AKT3: variants seen among roughly 807,000 people sequenced by gnomAD.
AKT3 encodes the protein RAC-gamma serine/threonine-protein kinase.
A neutral mutation model predicts 65.3 loss-of-function variants in AKT3; 15 were observed. That is an observed-to-expected ratio of 0.23 (90% CI 0.15 to 0.35). AKT3 has a LOEUF of 0.35. Ranked by LOEUF, AKT3 falls within the 10% of genes least tolerant of loss-of-function variation. AKT3 has a pLI of 1.00. For synonymous variants in AKT3, 206 were observed against 183.8 expected (o/e 1.12, Z -0.98); for missense variants, 243 against 576.5 (o/e 0.42, Z 5.92).
At chr1:243,598,687 C>T (rs1392964228) in intron 8 of AKT3, among the ~76,000 whole-genome samples, 1 of 152,194 alleles carries the variant, frequency 6.6e-6, no homozygotes, top group Non-Finnish European at 1.5e-5. Context: ...CAGGAAGTTC[C>T]TTCCCACATA....
intron 6 of AKT3, among the ~76,000 whole-genome samples, chr1:243,628,198 T>C (rs1389617354): frequency 1.3e-5 from 2 of 152,200 alleles, no homozygotes; most frequent in African/African-American, 2.4e-5. Flanking sequence ...TCTTGGGTAA[T>C]GTCAGAGAAA....
intron 6 of AKT3, among the ~76,000 whole-genome samples, chr1:243,629,958 C>G (rs1679481769): frequency 6.6e-6 from 1 of 152,046 alleles, no homozygotes; most frequent in African/African-American, 2.4e-5. Flanking sequence ...GGCATATATT[C>G]CCCAGAAAAA....
intron 8 of AKT3, among the ~76,000 whole-genome samples, chr1:243,609,656 G>C (rs902801071): frequency 3.9e-5 from 6 of 152,042 alleles, no homozygotes; most frequent in African/African-American, 9.7e-5. Context: ...AGACCCTAGA[G>C]AATCAGTTCA....
chr1:243,638,560 G>A (rs1309080683), intron 5 of AKT3, among the ~76,000 whole-genome samples: 2 of 152,038 alleles, frequency 1.3e-5, no homozygotes, highest in East Asian at 3.9e-4. Context: ...CATTTTTGTG[G>A]ACTTGCCTCC....
chr1:243,522,597 G>A (rs751409686), intron 12 of AKT3, among the ~76,000 whole-genome samples: 3 of 151,982 alleles, frequency 2.0e-5, no homozygotes, highest in South Asian at 4.2e-4. Flanking sequence ...CTGTGATTGC[G>A]CCACTGCACT....
chr1:243,790,755 T>C (rs1273498200), intron 2 of AKT3, among the ~76,000 whole-genome samples: 1 of 152,190 alleles, frequency 6.6e-6, no homozygotes, highest in Non-Finnish European at 1.5e-5. Flanking sequence ...TCCTTTCACT[T>C]GAACATGTAG....
rs577554954 is a variant in AKT3, at chr1:243,545,908, C to T, written c.1164-311G>A. Among the ~76,000 whole-genome samples the T allele has an allele frequency of 2.6e-5, 4 of 152,226 alleles. No individual in the cohort carries two copies. In the East Asian group the frequency reaches 7.7e-4, roughly 29 times the overall value. On this transcript the variant is annotated intron_variant, in intron 11 of 13. Coordinates refer to ENST00000673466, the MANE Select transcript of AKT3 (RefSeq NM_005465.7). ...GGCTTAACCTCAGTTTTCTCATCTG[C>T]AGAGTGGGGAATGATAACGTTTGCT...
Position 243,699,018 on chromosome 1 carries a change from CAGA to C in AKT3, c.47-3305_47-3303del, listed in dbSNP as rs377115641. Among the ~76,000 whole-genome samples the C allele has an allele frequency of 5.0e-3, 762 of 152,036 alleles. 5 individuals are homozygous for C. The highest frequency in any genetic ancestry group is 0.017 in the African/African-American group (719 of 41,462). Reference sequence around the variant, plus strand: ...GAACTGAACACTTTCATCTCTAGCTCAGAAGTTGAGGCAGTGTGAGTTCAGATA... The same window carrying C: ...GAACTGAACACTTTCATCTCTAGCTCAGTTGAGGCAGTGTGAGTTCAGATA... On this transcript the variant is annotated intron_variant, in intron 2 of 13. Transcript: ENST00000673466.
chr1:243,756,026 A>G (rs967415008), intron 2 of AKT3, among the ~76,000 whole-genome samples: 6 of 152,242 alleles, frequency 3.9e-5, no homozygotes, highest in African/African-American at 1.2e-4. Context: ...GATGAACCAT[A>G]TAAGTCATAT....
At chr1:243,722,452 A>C (rs181802542) in intron 2 of AKT3, among the ~76,000 whole-genome samples, 1 of 152,316 alleles carries the variant, frequency 6.6e-6, no homozygotes, top group East Asian at 1.9e-4. Context: ...AGGGGAAAAC[A>C]ACATAATTGC....
chr1:243,843,440 A>G (rs1309452870), intron 1 of AKT3, 158 bp from the exon 2 acceptor site: 2 of 1,086,194 alleles, frequency 1.8e-6, no homozygotes, highest in East Asian at 3.5e-5. Flanking sequence ...ATAGTTCTAT[A>G]ATGAAAGCAC....
chr1:243,636,384 TA>T (rs1679973907), intron 6 of AKT3, among the ~76,000 whole-genome samples: 1 of 151,844 alleles, frequency 6.6e-6, no homozygotes, highest in African/African-American at 2.4e-5. Context: ...GATAAGAAAA[TA>T]AAGGCATAAA....
chr1:243,524,479 C>G (rs1670921043), intron 12 of AKT3, among the ~76,000 whole-genome samples: 1 of 152,196 alleles, frequency 6.6e-6, no homozygotes, highest in African/African-American at 2.4e-5. Context: ...AAAAAGAGGT[C>G]TGAATTTGTT....
chr1:243,513,699 C>T (rs1558579349), intron 12 of AKT3, among the ~76,000 whole-genome samples: 1 of 152,202 alleles, frequency 6.6e-6, no homozygotes, highest in Non-Finnish European at 1.5e-5. Context: ...CACAGCTATT[C>T]TAAGGTCTTC....
chr1:243,625,596 T>C (rs1572052296), intron 6 of AKT3, among the ~76,000 whole-genome samples: 1 of 152,200 alleles, frequency 6.6e-6, no homozygotes, highest in Non-Finnish European at 1.5e-5. Context: ...AGTATATCTA[T>C]GGCCTTTGAC....
At chr1:243,661,255 T>G (rs1682299467) in intron 4 of AKT3, among the ~76,000 whole-genome samples, 2 of 152,142 alleles carry the variant, frequency 1.3e-5, no homozygotes, top group Non-Finnish European at 2.9e-5. Flanking sequence ...GCCAAGTCAA[T>G]CCTAAGCCAA....
At chr1:243,613,607 A>C (rs1678063318) in intron 8 of AKT3, 64 bp downstream of exon 8, 4 of 1,261,964 alleles carry the variant, frequency 3.2e-6, no homozygotes, top group Non-Finnish European at 3.3e-6. Context: ...CTTGTATTTT[A>C]AGTAATGTTT....
At chr1:243,742,493 T>TG (rs1403342014) in intron 2 of AKT3, among the ~76,000 whole-genome samples, 3 of 152,088 alleles carry the variant, frequency 2.0e-5, no homozygotes, top group African/African-American at 7.2e-5. Context: ...GGCATGGTGC[T>TG]GGGTGTCTGT....
chr1:243,672,913 A>C (rs1377684336), intron 3 of AKT3, among the ~76,000 whole-genome samples: 1 of 152,224 alleles, frequency 6.6e-6, no homozygotes, highest in East Asian at 1.9e-4. Flanking sequence ...GCCTACTTGA[A>C]ATTCCAAATA....
Sources: allele counts gnomAD v4.1 joint callset (sites outside exome capture counted in the v4.1 genomes callset), GRCh38; gene constraint gnomAD v4.1.1; transcripts MANE v1.5; gene names NCBI Gene and HGNC (gene_info 2026-07-23, HGNC 2026-07-21).